Variants in MTMR14 observed in about 807,000 individuals in gnomAD.
MTMR14 encodes phosphatidylinositol-3,5-bisphosphate 3-phosphatase MTMR14.
In MTMR14, 48 loss-of-function variants were observed where a neutral mutation model predicts 86.3. That is an observed-to-expected ratio of 0.56 (90% CI 0.44 to 0.71). The LOEUF is 0.71. Ranked by LOEUF, MTMR14 falls within the 30% of genes least tolerant of loss-of-function variation. MTMR14 has a pLI of 0.00. For synonymous variants in MTMR14, 366 were observed against 326.1 expected (o/e 1.12, Z -1.32); for missense variants, 780 against 834.6 (o/e 0.93, Z 0.81).
chr3:9,696,320 A>G (rs2076280680), intron 17 of MTMR14, among the ~76,000 whole-genome samples: 1 of 152,204 alleles, frequency 6.6e-6, no homozygotes, highest in Non-Finnish European at 1.5e-5. Context: ...CAACATGGTG[A>G]AACCCTATCT....
At chr3:9,650,163 G>A (rs2047195860) in intron 1 of MTMR14, among the ~76,000 whole-genome samples, 1 of 152,172 alleles carries the variant, frequency 6.6e-6, no homozygotes, top group African/African-American at 2.4e-5. Context: ...AATGGAGCCA[G>A]GAGGTGAACC....
At chr3:9,664,217 C>G (rs1472229382) in intron 3 of MTMR14, among the ~76,000 whole-genome samples, 3 of 150,502 alleles carry the variant, frequency 2.0e-5, no homozygotes, top group African/African-American at 7.4e-5. Flanking sequence ...AAAGCATTAT[C>G]TGTCAAATAA....
At chr3:9,681,167 C>CTGAATGAATGAATGAG (rs1051254691) in intron 9 of MTMR14, among the ~76,000 whole-genome samples, 39 of 152,184 alleles carry the variant, frequency 2.6e-4, no homozygotes, top group Admixed American at 2.6e-3. Context: ...GTGAGGCTTA[C>CTGAATGAATGAATGAG]TGAATGAATG....
rs991191833 is a variant in MTMR14, at chr3:9,669,629, C to G, written c.554+137C>G. 29 of 852,720 alleles carry G rather than the reference C, an allele frequency of 3.4e-5. No individual in the cohort carries two copies. The African/African-American group carries it at 4.2e-4, about 12-fold the overall frequency. 52.8% of individuals were successfully genotyped at this position (852,720 alleles called of 1,614,324 possible). ...ATTGGCTTCTTCCTCTTCTGTCTGC[C>G]AAGTCTGTGCCCCTGAAATATGGCT... On this transcript the variant is annotated intron_variant, in intron 5 of 18. Coordinates refer to ENST00000296003, the MANE Select transcript of MTMR14 (RefSeq NM_001077525.3).
chr3:9,651,286 A>G (rs1281505038), intron 1 of MTMR14, among the ~76,000 whole-genome samples: 1 of 151,306 alleles, frequency 6.6e-6, no homozygotes, highest in East Asian at 2.0e-4. Context: ...TTATTTTCCT[A>G]GAGACATGGT....
At chr3:9,659,345 G>C (rs2047788734) in intron 2 of MTMR14, among the ~76,000 whole-genome samples, 1 of 152,094 alleles carries the variant, frequency 6.6e-6, no homozygotes, top group African/African-American at 2.4e-5. Flanking sequence ...AGTATTATGT[G>C]CCAGACACAG....
intron 4 of MTMR14, 42 bp from the exon 5 acceptor site, chr3:9,669,390 G>C: frequency 6.2e-7 from 1 of 1,608,280 alleles, no homozygotes; most frequent in Non-Finnish European, 8.5e-7. Context: ...GTGGAGCCCT[G>C]GGTCACCAGC....
At chr3:9,653,855 G>A (rs1197783062) in intron 2 of MTMR14, 86 bp downstream of exon 2, 4 of 1,561,222 alleles carry the variant, frequency 2.6e-6, no homozygotes, top group Non-Finnish European at 3.5e-6. Flanking sequence ...GCTGGGCAGG[G>A]CAGAATCACT....
In MTMR14 at chr3:9,655,724, G is replaced by A. The variant is rs577149501; in HGVS notation, c.308+1955G>A. Among the ~76,000 whole-genome samples the A allele has an allele frequency of 5.3e-5, 8 of 151,492 alleles. No homozygotes were observed. The East Asian group carries it at 1.4e-3, about 27-fold the overall frequency. The stretch of plus-strand genomic sequence containing the variant: ...GATCCAGCCGCCTCGGCCTCCCTAA[G>A]TGCTGGGATTATAGGTGTGAGCCAG... On this transcript the variant is annotated intron_variant, in intron 2 of 18. Coordinates refer to ENST00000296003, the MANE Select transcript of MTMR14 (RefSeq NM_001077525.3).
rs921719948 is a variant in MTMR14 at position 9,677,473 on chromosome 3, A to T, written c.822+86A>T. The T allele has an allele frequency of 4.1e-6, 5 of 1,208,200 alleles. No homozygotes were observed. Among genetic ancestry groups the T allele is most frequent in the Non-Finnish European group, 6.2e-6 (5 of 812,448 alleles). The allele number at this position is 1,208,200 out of a possible 1,614,324, so 74.8% of individuals were successfully genotyped here. A position where few individuals can be genotyped will look rare whatever the true frequency, so the allele number is the denominator to read the frequency against. ...GAACAACAAGCAGTCTTTGGGGAAAACAACAAGCAGTCTTTGGGGAAAATA... is the reference window on the plus strand; with the variant it reads ...GAACAACAAGCAGTCTTTGGGGAAATCAACAAGCAGTCTTTGGGGAAAATA... On this transcript the variant is annotated intron_variant, in intron 8 of 18. Transcript: ENST00000296003. The surrounding 1 kb of genome is among the most constrained non-coding windows in gnomAD (Gnocchi z 4.2).
chr3:9,670,971 C>G (rs2048536683), intron 5 of MTMR14, 77 bp from the exon 6 acceptor site: 1 of 1,587,132 alleles, frequency 6.3e-7, no homozygotes, highest in African/African-American at 1.3e-5. Flanking sequence ...ATCCATACTT[C>G]CCTGAATGAG....
At chr3:9,689,807 T>G (rs1351382844) in intron 16 of MTMR14, among the ~76,000 whole-genome samples, 157 bp from the exon 17 acceptor site, 1 of 152,266 alleles carries the variant, frequency 6.6e-6, no homozygotes, top group Non-Finnish European at 1.5e-5. Flanking sequence ...CCAGCCCTGC[T>G]GCCCATGGCC....
intron 13 of MTMR14, among the ~76,000 whole-genome samples, chr3:9,687,305 C>T (rs2075990387): frequency 6.6e-6 from 1 of 152,090 alleles, no homozygotes; most frequent in Admixed American, 6.5e-5. Flanking sequence ...CCTGTAATCC[C>T]AGCACTTGGG....
At chr3:9,674,514 A>G (rs566778411) in intron 7 of MTMR14, among the ~76,000 whole-genome samples, 3 of 152,364 alleles carry the variant, frequency 2.0e-5, no homozygotes, top group East Asian at 3.9e-4. Flanking sequence ...TGGGCTGGGC[A>G]TGGTGGCTCA....
At chr3:9,659,569 G>C in intron 2 of MTMR14, 4 of 376,168 alleles carry the variant, frequency 1.1e-5, no homozygotes, top group South Asian at 7.9e-5. Context: ...TCAGCCTCCC[G>C]AGTAGCTGGG....
At chr3:9,690,183 C>T in intron 17 of MTMR14, 40 bp downstream of exon 17, 2 of 1,606,916 alleles carry the variant, frequency 1.2e-6, no homozygotes, top group South Asian at 1.1e-5. Context: ...AAGTGCCTAG[C>T]TTTCCCCCTT....
At chr3:9,657,104 C>A (rs373419314) in intron 2 of MTMR14, among the ~76,000 whole-genome samples, 2 of 151,908 alleles carry the variant, frequency 1.3e-5, no homozygotes, top group African/African-American at 4.8e-5. Context: ...TAGTAGAGAC[C>A]AGGTCTCGCT....
intron 16 of MTMR14, 139 bp downstream of exon 16, chr3:9,689,221 CTCTACTGGG>C: frequency 7.6e-7 from 1 of 1,324,236 alleles, no homozygotes; most frequent in Non-Finnish European, 1.0e-6. Context: ...CTCCTGCTGT[CTCTACTGGG>C]CCTCAGAAGT....
intron 14 of MTMR14, 43 bp from the exon 15 acceptor site, chr3:9,688,653 C>T: frequency 1.2e-6 from 2 of 1,608,698 alleles, no homozygotes; most frequent in Non-Finnish European, 1.7e-6. Context: ...ACAATAAGAC[C>T]CCAGATAGAT....
Sources: gnomAD v4.1 joint callset for allele counts (sites outside exome capture counted in the v4.1 genomes callset) on GRCh38, gnomAD v4.1.1 for gene constraint, Gnocchi (gnomAD v3.1) non-coding constraint, MANE v1.5 for transcripts, NCBI Gene and HGNC (gene_info 2026-07-23, HGNC 2026-07-21) for gene names.